RTF1: variants seen among roughly 807,000 people sequenced by gnomAD.
The protein encoded by RTF1 is RTF1 homolog, Paf1/RNA polymerase II complex component.
RTF1 carries 10 observed loss-of-function variants against 95.7 expected under a neutral mutation model. The observed-to-expected ratio is 0.10, with a 90% CI of 0.06 to 0.18. The LOEUF is 0.18. Among genes scored for constraint, RTF1 ranks in the 10% least tolerant of loss-of-function variants. RTF1 has a pLI of 1.00. For synonymous variants in RTF1, 305 were observed against 311.8 expected, an observed-to-expected ratio of 0.98 and a Z score of 0.23; for missense variants, 458 against 875.6, an observed-to-expected ratio of 0.52 and a Z score of 6.02.
At chr15:41,479,586 C>T (rs754217807) in intron 16 of RTF1, among the ~76,000 whole-genome samples, 3 of 152,066 alleles carry the variant, frequency 2.0e-5, no homozygotes, top group African/African-American at 4.8e-5. Flanking sequence ...TCTTGCTGGG[C>T]GCAGTGGCTC....
At chr15:41,460,433 T>G (rs542850444) in intron 4 of RTF1, among the ~76,000 whole-genome samples, 1 of 152,242 alleles carries the variant, frequency 6.6e-6, no homozygotes, top group South Asian at 2.1e-4. Context: ...TCAACATTTG[T>G]TTTGAGTGTG....
rs2050976670 is a variant in RTF1 at position 41,481,768 on chromosome 15, T to A, written c.*1081T>A. ...TAAGAGAAATTTCTGAATATGAATGTGGAGAGCAAACACAAAAAGATTTAG... is the reference window on the plus strand; with the variant it reads ...TAAGAGAAATTTCTGAATATGAATGAGGAGAGCAAACACAAAAAGATTTAG... On this transcript the variant is annotated 3_prime_UTR_variant, in exon 18 of 18. Transcript: ENST00000389629. 1 of 152,610 alleles carries A rather than the reference T, an allele frequency of 6.6e-6. No homozygotes were observed. The highest frequency in any genetic ancestry group is 1.5e-5 in the Non-Finnish European group (1 of 68,042). 9.5% of individuals were successfully genotyped at this position (152,610 alleles called of 1,614,324 possible). A position where few individuals can be genotyped will look rare whatever the true frequency, so the allele number is the denominator to read the frequency against.
At chr15:41,448,766 T>C (rs2050775690) in intron 2 of RTF1, 1 of 152,226 alleles carries the variant, frequency 6.6e-6, no homozygotes, top group Non-Finnish European at 1.5e-5. Context: ...TTTCACGAAT[T>C]TGCATGTCAT....
chr15:41,472,944 G>A (rs1313811162), intron 8 of RTF1, among the ~76,000 whole-genome samples: 6 of 151,204 alleles, frequency 4.0e-5, no homozygotes, highest in Admixed American at 1.3e-4. Context: ...CTCGTGATCC[G>A]CCCGCCTCGG....
At position 41,446,903 on chromosome 15, in the gene RTF1, A is replaced by G. The variant is rs145482519; in HGVS notation, c.310-5998A>G. Among the ~76,000 whole-genome samples the G allele has an allele frequency of 3.3e-3, 505 of 151,932 alleles. 2 individuals are homozygous for G. The highest frequency in any genetic ancestry group is 0.012 in the African/African-American group (478 of 41,436). On this transcript the variant is annotated intron_variant, in intron 2 of 17. Transcript: ENST00000389629. ...CTGCAACCTCCACCTCCCAGGTTCA[A>G]GCAATTCTCCTCCCTTGGCCTCCTG...
At chr15:41,463,610 T>C (rs375342706) in intron 4 of RTF1, among the ~76,000 whole-genome samples, 6 of 152,078 alleles carry the variant, frequency 3.9e-5, no homozygotes, top group African/African-American at 1.2e-4. Flanking sequence ...GCCTGCCAAG[T>C]AGCTGGGACT....
intron 8 of RTF1, among the ~76,000 whole-genome samples, chr15:41,473,729 A>AT (rs926620887): frequency 2.7e-5 from 4 of 148,094 alleles, no homozygotes; most frequent in South Asian, 2.2e-4. Flanking sequence ...TGCCCAACTA[A>AT]TTTTTTTTTT....
At chr15:41,462,543 T>C (rs2050855762) in intron 4 of RTF1, among the ~76,000 whole-genome samples, 1 of 152,200 alleles carries the variant, frequency 6.6e-6, no homozygotes, top group African/African-American at 2.4e-5. Context: ...ATGTAAACTA[T>C]CACTAACTCT....
At chr15:41,430,401 T>C (rs1480714808) in intron 1 of RTF1, among the ~76,000 whole-genome samples, 1 of 151,802 alleles carries the variant, frequency 6.6e-6, no homozygotes, top group African/African-American at 2.4e-5. Flanking sequence ...GAAGACTTTT[T>C]TGTTGCATAT....
In RTF1 at chr15:41,464,863, T is replaced by C. The variant is rs1449967800; in HGVS notation, c.755T>C (p.Leu252Pro). Residue 252 changes from leucine (L) to proline (P), a missense_variant, in exon 5 of 18, where the codon CTG becomes CCG. This residue lies in a region of RTF1 where 39 missense variants were observed against 43.8 expected (regional missense o/e 0.89). Transcript: ENST00000389629. ...KQEEEQEKKK[L>P]TQIQESQVTS... is the part of the protein sequence containing the mutation. ...GAAGAGGAGCAAGAAAAGAAAAAAC[T>C]GACACAGATTCAAGAATCTCAGGTA... The C allele has an allele frequency of 2.0e-6, 3 of 1,532,122 alleles. No homozygotes were observed. Among genetic ancestry groups the C allele is most frequent in the Non-Finnish European group, 2.6e-6 (3 of 1,142,656 alleles). The allele number at this position is 1,532,122 out of a possible 1,614,324, so 94.9% of individuals were successfully genotyped here. A position where few individuals can be genotyped will look rare whatever the true frequency, so the allele number is the denominator to read the frequency against.
chr15:41,419,741 C>T (rs1044322321), intron 1 of RTF1, among the ~76,000 whole-genome samples: 1 of 152,200 alleles, frequency 6.6e-6, no homozygotes, highest in African/African-American at 2.4e-5. Context: ...AAGTTGAGTG[C>T]TTCTTTTCGT....
rs761489433 is a variant in RTF1, at chr15:41,457,721, A to C, written c.507A>C (p.Ser169=). Residue 169 remains serine (S), a synonymous_variant, in exon 4 of 18, where the codon TCA becomes TCC. Transcript: ENST00000389629. ...ACAGCTCCTCTTCCAGTTCAGATTC[A>C]GACTCTTCCTCAGAAGATGAAGAGT... The part of the protein sequence containing the change: ...DSNSSSSSSD[S]DSSSEDEEFH... 6.2e-7 allele frequency: 1 copy of C among 1,614,138 alleles called. No individual in the cohort carries two copies. Among genetic ancestry groups the C allele is most frequent in the Admixed American group, 1.7e-5 (1 of 59,994 alleles).
intron 1 of RTF1, 150 bp from the exon 2 acceptor site, chr15:41,438,171 C>T (rs543412403): frequency 4.5e-6 from 2 of 447,150 alleles, no homozygotes; most frequent in East Asian, 3.4e-5. Flanking sequence ...AGCAGTCAGT[C>T]TGTTCATGCT....
intron 4 of RTF1, among the ~76,000 whole-genome samples, chr15:41,461,619 A>G (rs920780996): frequency 6.6e-6 from 1 of 151,096 alleles, no homozygotes; most frequent in Non-Finnish European, 1.5e-5. Flanking sequence ...CCTCCCAAGT[A>G]GCTGGGTTTA....
At position 41,464,798 on chromosome 15, in the gene RTF1, A is replaced by T; in HGVS notation, c.690A>T (p.Thr230=). 1.3e-6 allele frequency: 2 copies of T among 1,574,840 alleles called. No individual in the cohort carries two copies. The highest frequency in any genetic ancestry group is 1.7e-6 in the Non-Finnish European group (2 of 1,163,896). The stretch of plus-strand genomic sequence containing the variant: ...TTGAAATCAAGAAAAAACTAAAAAC[A>T]GCCAAAAAGAAAGAAAAGAAAGAAA... ...RRFEIKKKLK[T]AKKKEKKEKK... is the part of the protein sequence containing the mutation. Residue 230 remains threonine (T), a synonymous_variant, in exon 5 of 18, where the codon ACA becomes ACT. Transcript: ENST00000389629.
chr15:41,424,053 C>A (rs1458744837), intron 1 of RTF1, among the ~76,000 whole-genome samples: 1 of 152,196 alleles, frequency 6.6e-6, no homozygotes, highest in Non-Finnish European at 1.5e-5. Flanking sequence ...CGCATCCGGC[C>A]TGATTGTTCA....
At chr15:41,417,449 C>A in intron 1 of RTF1, 136 bp downstream of exon 1, 1 of 718,148 alleles carries the variant, frequency 1.4e-6, no homozygotes, top group Non-Finnish European at 1.9e-6. Flanking sequence ...CACTACAGCC[C>A]CTTTCCCGTC....
chr15:41,427,142 CAAATT>C (rs1251410334), intron 1 of RTF1, among the ~76,000 whole-genome samples: 1 of 108,206 alleles, frequency 9.2e-6, no homozygotes, highest in African/African-American at 3.7e-5. Flanking sequence ...GCCTGGTCTA[CAAATT>C]TTTTTTTTTT....
intron 4 of RTF1, 31 bp downstream of exon 4, chr15:41,457,907 C>A (rs563644270): frequency 5.2e-6 from 7 of 1,338,592 alleles, no homozygotes; most frequent in South Asian, 2.4e-5. Context: ...GTCCCCCCCC[C>A]GCCCCCACCT....
Sources: gnomAD v4.1 joint callset for allele counts (sites outside exome capture counted in the v4.1 genomes callset) on GRCh38, gnomAD v4.1.1 for gene constraint, gnomAD v4.1.1 regional missense constraint, MANE v1.5 for transcripts, NCBI Gene and HGNC (gene_info 2026-07-23, HGNC 2026-07-21) for gene names.